The following KIF27 variants were observed in gnomAD, a reference collection of about 807,000 sequenced individuals.
The protein encoded by KIF27 is kinesin-like protein KIF27.
A neutral mutation model predicts 141.8 loss-of-function variants in KIF27; 84 were observed. That is an observed-to-expected ratio of 0.59 (90% CI 0.50 to 0.71). KIF27 has a LOEUF of 0.71. KIF27 is among the 30% of genes least tolerant of loss of function. KIF27 has a pLI of 0.00. For synonymous variants in KIF27, 471 were observed against 569.5 expected (o/e 0.83, Z 2.46); for missense variants, 1,306 against 1,628.4 (o/e 0.80, Z 3.41).
chr9:83,853,987 A>C lies in KIF27; in HGVS notation c.3151-152T>G, dbSNP rs2131748577. On this transcript the variant is annotated intron_variant, in intron 14 of 17. Coordinates refer to ENST00000297814, the MANE Select transcript of KIF27 (RefSeq NM_017576.4). The stretch of plus-strand genomic sequence containing the variant: ...ATGTTTTTTGAGCGCTTGCTATGCC[A>C]CATAATGCAGTGTGTGTATACATGT... The C allele has an allele frequency of 4.8e-6, 3 of 624,732 alleles. No individual in the cohort carries two copies. In the East Asian group the frequency reaches 8.2e-5, roughly 17 times the overall value. The allele number at this position is 624,732 out of a possible 1,614,324, so 38.7% of individuals were successfully genotyped here.
At chr9:83,861,864 T>G (rs548971674) in intron 13 of KIF27, among the ~76,000 whole-genome samples, 1 of 147,038 alleles carries the variant, frequency 6.8e-6, no homozygotes, top group Admixed American at 6.8e-5. Context: ...TTTTAATGAT[T>G]GCCATTCTAA....
chr9:83,872,023 A>G (rs1286951917), intron 11 of KIF27, among the ~76,000 whole-genome samples: 1 of 150,100 alleles, frequency 6.7e-6, no homozygotes, highest in East Asian at 2.0e-4. Flanking sequence ...CTTAAGGGTC[A>G]AGTCAAGAGG....
At chr9:83,887,258 T>G in intron 8 of KIF27, 62 bp from the exon 9 acceptor site, 1 of 1,158,138 alleles carries the variant, frequency 8.6e-7, no homozygotes, top group Non-Finnish European at 1.2e-6. Context: ...GAAGTAGAGT[T>G]AAAAAAAGAA....
chr9:83,861,279 A>G (rs1949882677), intron 13 of KIF27, among the ~76,000 whole-genome samples: 1 of 151,946 alleles, frequency 6.6e-6, no homozygotes, highest in Admixed American at 6.6e-5. Flanking sequence ...TGCTGCACCC[A>G]TTAACTCATC....
intron 17 of KIF27, among the ~76,000 whole-genome samples, chr9:83,841,603 TTTA>T (rs747147239): frequency 6.6e-6 from 1 of 152,218 alleles, no homozygotes; most frequent in Non-Finnish European, 1.5e-5. Flanking sequence ...AAATGTAGAC[TTTA>T]TTATTTTAGA....
Position 83,836,786 on chromosome 9 carries a change from G to C in KIF27, c.*215C>G. The C allele has an allele frequency of 1.6e-6, 1 of 627,362 alleles. No homozygotes were observed. Among genetic ancestry groups the C allele is most frequent in the South Asian group, 3.2e-5 (1 of 31,618 alleles). The allele number at this position is 627,362 out of a possible 1,614,324, so 38.9% of individuals were successfully genotyped here. A position where few individuals can be genotyped will look rare whatever the true frequency, so the allele number is the denominator to read the frequency against. ...AATATTTAAATGTTATCAAGTATTGGAAAACATGTTTGATTACTATGGGAA... is the reference window on the plus strand; with the variant it reads ...AATATTTAAATGTTATCAAGTATTGCAAAACATGTTTGATTACTATGGGAA... On this transcript the variant is annotated 3_prime_UTR_variant, in exon 18 of 18. Transcript: ENST00000297814.
At chr9:83,846,042 A>G (rs2059988990) in intron 16 of KIF27, among the ~76,000 whole-genome samples, 1 of 152,092 alleles carries the variant, frequency 6.6e-6, no homozygotes, top group African/African-American at 2.4e-5. Flanking sequence ...CAAAGTGGCC[A>G]TGGTGGCAGG....
In KIF27 at chr9:83,858,923, C is replaced by T. The variant is rs1949568592; in HGVS notation, c.3150+233G>A. 3 of 539,716 alleles carry T rather than the reference C, an allele frequency of 5.6e-6. No homozygotes were observed. In the South Asian group the frequency reaches 7.6e-5, roughly 14 times the overall value. The allele number at this position is 539,716 out of a possible 1,614,324, so 33.4% of individuals were successfully genotyped here. A position where few individuals can be genotyped will look rare whatever the true frequency, so the allele number is the denominator to read the frequency against. On this transcript the variant is annotated intron_variant, in intron 14 of 17. Transcript: ENST00000297814. ...AAGGAAAGTAATAGTTTCCAAATGC[C>T]TGGCAGTGCCAGGAAGGGGCCATGT...
intron 4 of KIF27, among the ~76,000 whole-genome samples, chr9:83,901,384 T>C (rs142256472): frequency 1.5e-3 from 231 of 152,310 alleles, no homozygotes; most frequent in Middle Eastern, 6.8e-3. Flanking sequence ...CATCCACAAT[T>C]ATCTGAAAAA....
At chr9:83,916,275 C>T (rs1313094046) in intron 1 of KIF27, among the ~76,000 whole-genome samples, 4 of 152,136 alleles carry the variant, frequency 2.6e-5, no homozygotes, top group South Asian at 2.1e-4. Flanking sequence ...TCAGGTGACC[C>T]GCCCGCCTCG....
intron 2 of KIF27, among the ~76,000 whole-genome samples, chr9:83,909,415 G>A (rs1486916005): frequency 6.6e-6 from 1 of 152,106 alleles, no homozygotes; most frequent in Non-Finnish European, 1.5e-5. Flanking sequence ...TTCAAGACCA[G>A]CTTGGGAAAC....
At chr9:83,914,836 T>C (rs1955533988) in intron 2 of KIF27, among the ~76,000 whole-genome samples, 1 of 152,098 alleles carries the variant, frequency 6.6e-6, no homozygotes, top group Non-Finnish European at 1.5e-5. Context: ...GCAGGAGAAA[T>C]TATGTCCTAA....
intron 6 of KIF27, 121 bp downstream of exon 6, chr9:83,891,174 C>A: frequency 1.4e-6 from 1 of 698,988 alleles, no homozygotes; most frequent in Non-Finnish European, 2.4e-6. Flanking sequence ...AAAAGGTATA[C>A]ACAAAATTCC....
chr9:83,846,819 A>G (rs1184751448), intron 16 of KIF27, among the ~76,000 whole-genome samples: 1 of 152,190 alleles, frequency 6.6e-6, no homozygotes, highest in African/African-American at 2.4e-5. Context: ...CAATGATTCC[A>G]TTAAACTGAA....
intron 14 of KIF27, among the ~76,000 whole-genome samples, chr9:83,858,031 G>A (rs1243699517): frequency 1.4e-5 from 2 of 146,684 alleles, no homozygotes; most frequent in Non-Finnish European, 3.0e-5. Context: ...CCGGCAGGCA[G>A]AATTCCTTAA....
intron 10 of KIF27, among the ~76,000 whole-genome samples, chr9:83,881,858 A>G (rs1309520744): frequency 6.6e-6 from 1 of 152,242 alleles, no homozygotes; most frequent in Non-Finnish European, 1.5e-5. Flanking sequence ...AGAGTGAGAT[A>G]CTGTTGCCAT....
chr9:83,917,374 AAT>A (rs765496681), intron 1 of KIF27, among the ~76,000 whole-genome samples: 2 of 152,212 alleles, frequency 1.3e-5, no homozygotes, highest in Admixed American at 6.6e-5. Context: ...AAGATATATT[AAT>A]ATGTCAGTAT....
chr9:83,834,338 A>G lies in KIF27; in HGVS notation c.*2663T>C, dbSNP rs1483132015. Among the ~76,000 whole-genome samples the G allele has an allele frequency of 6.6e-6, 1 of 152,088 alleles. No individual in the cohort carries two copies. Among genetic ancestry groups the G allele is most frequent in the Non-Finnish European group, 1.5e-5 (1 of 67,964 alleles). On this transcript the variant is annotated 3_prime_UTR_variant, in exon 18 of 18. Coordinates refer to ENST00000297814, the MANE Select transcript of KIF27 (RefSeq NM_017576.4). ...TGAGAACACCGACTAAACTAGAATG[A>G]CCAGAGGTTCATTTCCAGAATATAT... is the stretch of plus-strand genomic sequence containing the variant.
At chr9:83,877,497 A>G (rs1268305638) in intron 11 of KIF27, among the ~76,000 whole-genome samples, 3 of 152,176 alleles carry the variant, frequency 2.0e-5, no homozygotes, top group Non-Finnish European at 4.4e-5. Flanking sequence ...TTCACACCAT[A>G]TACAAAAACT....
Sources: gnomAD v4.1 joint callset for allele counts (sites outside exome capture counted in the v4.1 genomes callset) on GRCh38, gnomAD v4.1.1 for gene constraint, MANE v1.5 for transcripts, NCBI Gene and HGNC (gene_info 2026-07-23, HGNC 2026-07-21) for gene names.